WFDC1: variants seen among roughly 807,000 people sequenced by gnomAD.
WFDC1 encodes the protein WAP four-disulfide core domain 1.
WFDC1 carries 39 observed loss-of-function variants against 32.9 expected under a neutral mutation model. That is an observed-to-expected ratio of 1.19 (90% confidence interval 0.92 to 1.55). The LOEUF (loss-of-function observed/expected upper bound fraction) is 1.55. WFDC1 is among the 40% of genes most tolerant of loss of function. WFDC1 has a pLI of 0.00. For synonymous variants in WFDC1, 184 were observed against 137.4 expected, an observed-to-expected ratio of 1.34 and a Z score of -2.37; for missense variants, 386 against 309.5, an observed-to-expected ratio of 1.25 and a Z score of -1.85.
intron 5 of WFDC1, chr16:84,325,782 C>T (rs761828553): frequency 6.6e-6 from 1 of 151,992 alleles, no homozygotes; most frequent in Non-Finnish European, 1.5e-5. Flanking sequence ...TTTTATCCAC[C>T]CTTCTATTCC....
chr16:84,295,517 A>T (rs1906542782), intron 1 of WFDC1: 2 of 303,672 alleles, frequency 6.6e-6, no homozygotes, highest in East Asian at 5.6e-5. Context: ...TCATTCAGCA[A>T]ACAGAATGAA....
At chr16:84,301,835 C>T (rs1906955430) in intron 1 of WFDC1, among the ~76,000 whole-genome samples, 1 of 152,156 alleles carries the variant, frequency 6.6e-6, no homozygotes, top group Non-Finnish European at 1.5e-5. Context: ...GATTCCTCAT[C>T]TGAGGTCCCA....
intron 2 of WFDC1, 61 bp downstream of exon 2, chr16:84,313,214 G>C (rs1907750029): frequency 7.6e-7 from 1 of 1,323,222 alleles, no homozygotes. Context: ...GAGCTGTCCC[G>C]GGGGAGGGGA....
In WFDC1 at chr16:84,319,547, T is replaced by A; in HGVS notation, c.538T>A (p.Cys180Ser). 3 of 1,612,834 alleles carry A rather than the reference T, an allele frequency of 1.9e-6. No homozygotes were observed. Among genetic ancestry groups the A allele is most frequent in the Non-Finnish European group, 2.5e-6 (3 of 1,179,908 alleles). The change falls in exon 4 of 7, where the codon TGC becomes AGC. Residue 180 changes from cysteine (C) to serine (S), a missense_variant. Transcript: ENST00000219454. ...VAEGIPNRGQ[C>S]VKQRRQADGR... Reference sequence around the variant, plus strand: ...CGAAGGTATCCCCAACCGTGGGCAGTGCGTCAAGCAGCGCCGGCAAGCAGG... The same window carrying A: ...CGAAGGTATCCCCAACCGTGGGCAGAGCGTCAAGCAGCGCCGGCAAGCAGG...
chr16:84,321,721 A>C (rs1318112963), intron 4 of WFDC1, among the ~76,000 whole-genome samples: 3 of 152,226 alleles, frequency 2.0e-5, no homozygotes, highest in Admixed American at 2.0e-4. Flanking sequence ...GCACCTTTGG[A>C]GTGCTCTCTT....
chr16:84,324,216 ATGGGTTGATGGCTC>A (rs1167583595), intron 4 of WFDC1, among the ~76,000 whole-genome samples, 189 bp from the exon 5 acceptor site: 3 of 152,182 alleles, frequency 2.0e-5, no homozygotes, highest in Non-Finnish European at 4.4e-5. Flanking sequence ...GCTTTCCTTT[ATGGGTTGATGGCTC>A]TGGATATTAT....
chr16:84,328,786 C>CA (rs3837761), intron 6 of WFDC1: 23 of 151,182 alleles, frequency 1.5e-4, no homozygotes, highest in Non-Finnish European at 2.1e-4. Flanking sequence ...CCTATCTCTA[C>CA]AAAAAAAAAT....
chr16:84,307,085 G>C (rs1907308583), intron 1 of WFDC1, among the ~76,000 whole-genome samples: 1 of 152,118 alleles, frequency 6.6e-6, no homozygotes, highest in South Asian at 2.1e-4. Flanking sequence ...GCCCAGAGGT[G>C]GGACTGGGTG....
intron 3 of WFDC1, 100 bp from the exon 4 acceptor site, chr16:84,319,331 G>A (rs118176311): frequency 0.012 from 17,677 of 1,506,128 alleles, 137 homozygotes; most frequent in Middle Eastern, 0.016. Context: ...GGTGAGGTGC[G>A]TTCCCTGCAC....
intron 4 of WFDC1, among the ~76,000 whole-genome samples, chr16:84,321,274 A>G (rs1908289716): frequency 6.6e-6 from 1 of 152,188 alleles, no homozygotes; most frequent in South Asian, 2.1e-4. Context: ...TAGAGTGTCC[A>G]TCAATTCACA....
chr16:84,326,642 G>A (rs1207792874), intron 5 of WFDC1: 2 of 513,886 alleles, frequency 3.9e-6, no homozygotes, highest in Non-Finnish European at 7.0e-6. Context: ...GCTGGAGTGT[G>A]TGGTGAGCTG....
chr16:84,321,999 A>T (rs564431623), intron 4 of WFDC1, among the ~76,000 whole-genome samples: 10 of 152,336 alleles, frequency 6.6e-5, no homozygotes, highest in Non-Finnish European at 1.5e-4. Context: ...TGCTTAGAAT[A>T]GCACCTGGCC....
intron 1 of WFDC1, among the ~76,000 whole-genome samples, chr16:84,307,407 C>T (rs28582992): frequency 0.046 from 6,929 of 152,252 alleles, 485 homozygotes; most frequent in African/African-American, 0.15. Flanking sequence ...TTATCACTCA[C>T]GACCATCTGT....
chr16:84,312,406 C>T (rs541800611), intron 1 of WFDC1, among the ~76,000 whole-genome samples: 60 of 152,238 alleles, frequency 3.9e-4, no homozygotes, highest in Non-Finnish European at 6.3e-4. Context: ...TGGAATCCCA[C>T]TGTGGTGTTC....
rs376828294 is a variant in WFDC1 at position 84,318,260 on chromosome 16, G to C, written c.338-12G>C. On this transcript the variant is annotated splice_polypyrimidine_tract_variant and intron_variant, in intron 2 of 6. Transcript: ENST00000219454. Reference sequence around the variant, plus strand: ...TTGAGGAGGGCCCTGATCTGACCCCGTATTGTGTTAGTCTTAGACTGGCTG... The same window carrying C: ...TTGAGGAGGGCCCTGATCTGACCCCCTATTGTGTTAGTCTTAGACTGGCTG... The C allele has an allele frequency of 6.2e-7, 1 of 1,613,958 alleles. No individual in the cohort carries two copies. The highest frequency in any genetic ancestry group is 8.5e-7 in the Non-Finnish European group (1 of 1,179,848).
At chr16:84,309,161 G>A (rs1907459422) in intron 1 of WFDC1, among the ~76,000 whole-genome samples, 1 of 152,180 alleles carries the variant, frequency 6.6e-6, no homozygotes, top group Non-Finnish European at 1.5e-5. Flanking sequence ...AGAGATGAAT[G>A]TGCTTGGAGG....
intron 1 of WFDC1, among the ~76,000 whole-genome samples, chr16:84,306,635 A>G (rs967376544): frequency 5.9e-5 from 9 of 152,058 alleles, no homozygotes; most frequent in Non-Finnish European, 1.3e-4. Context: ...CTGCCCCCAC[A>G]CCTGTGCAGG....
At chr16:84,324,185 A>T (rs1486894227) in intron 4 of WFDC1, among the ~76,000 whole-genome samples, 1 of 152,064 alleles carries the variant, frequency 6.6e-6, no homozygotes, top group Non-Finnish European at 1.5e-5. Context: ...ACCCTGAAAG[A>T]TGTTAAGGAG....
chr16:84,326,787 C>A (rs557739510), intron 5 of WFDC1, 95 bp from the exon 6 acceptor site: 1 of 1,487,174 alleles, frequency 6.7e-7, no homozygotes, highest in Non-Finnish European at 9.4e-7. Context: ...AGGGCCAGGT[C>A]ACCAGGCTTC....
Sources: allele counts gnomAD v4.1 joint callset (sites outside exome capture counted in the v4.1 genomes callset), GRCh38; gene constraint gnomAD v4.1.1; transcripts MANE v1.5; gene names NCBI Gene and HGNC (gene_info 2026-07-23, HGNC 2026-07-21).